Variants in WDR37 observed in about 807,000 individuals in gnomAD.
The protein encoded by WDR37 is WD repeat-containing protein 37.
In WDR37, 19 loss-of-function variants were observed where a neutral mutation model predicts 62.9. That is an observed-to-expected ratio of 0.30 (90% CI 0.21 to 0.44). The LOEUF is 0.44. Among genes scored for constraint, WDR37 ranks in the 20% least tolerant of loss-of-function variants. WDR37 has a pLI of 1.00. For missense variants in WDR37, 474 were observed against 657.6 expected (o/e 0.72, Z 3.05); for synonymous variants, 250 against 260.9 (o/e 0.96, Z 0.40).
chr10:1,127,709 C>G (rs1353208632), intron 13 of WDR37, among the ~76,000 whole-genome samples: 1 of 152,178 alleles, frequency 6.6e-6, no homozygotes, highest in Non-Finnish European at 1.5e-5. Context: ...GCAAGGGTCT[C>G]TGTGACGTGG....
Position 1,084,431 on chromosome 10 carries a change from C to T in WDR37, c.425C>T (p.Ser142Leu), listed in dbSNP as rs773619711. ...GTCTCCAGCTTTAAGACCACGACATCGAGAGCTGCCTGCCAGCTCGTGAAG... is the reference window on the plus strand; with the variant it reads ...GTCTCCAGCTTTAAGACCACGACATTGAGAGCTGCCTGCCAGCTCGTGAAG... ...KIVSSFKTTTSRAACQLVKEY... is the reference protein window; with the variant it reads ...KIVSSFKTTTLRAACQLVKEY... Residue 142 changes from serine to leucine, a missense_variant, in exon 6 of 14, where the codon TCG (serine) becomes TTG (leucine). Ser to Leu is a moderately radical substitution (Grantham distance 145, BLOSUM62 -2). Transcript: ENST00000263150. The T allele has an allele frequency of 3.7e-5, 60 of 1,614,032 alleles. No individual in the cohort carries two copies. The highest frequency in any genetic ancestry group is 4.5e-5 in the Non-Finnish European group (53 of 1,179,980).
intron 6 of WDR37, 127 bp downstream of exon 6, chr10:1,084,665 A>C: frequency 7.5e-7 from 1 of 1,337,722 alleles, no homozygotes; most frequent in Non-Finnish European, 1.0e-6. Flanking sequence ...AGTCAGTGGA[A>C]CCCCCCACAC....
At chr10:1,091,902 C>T (rs11250258) in intron 7 of WDR37, among the ~76,000 whole-genome samples, 59,468 of 151,908 alleles carry the variant, frequency 0.39, 12,019 homozygotes, top group African/African-American at 0.48. Context: ...AATGATAGGC[C>T]GGGCGCGGTG....
chr10:1,088,802 C>T (rs890414641), intron 7 of WDR37, among the ~76,000 whole-genome samples: 3 of 152,014 alleles, frequency 2.0e-5, no homozygotes, highest in Non-Finnish European at 4.4e-5. Context: ...ATTAGGTGTT[C>T]AACGCAGGGT....
chr10:1,110,195 A>G (rs757487848), intron 11 of WDR37, among the ~76,000 whole-genome samples: 1 of 152,176 alleles, frequency 6.6e-6, no homozygotes, highest in Non-Finnish European at 1.5e-5. Flanking sequence ...GCTGTTGGAC[A>G]TTGAGCTTCC....
At chr10:1,120,908 G>A (rs1240250266) in intron 11 of WDR37, among the ~76,000 whole-genome samples, 10 of 152,260 alleles carry the variant, frequency 6.6e-5, no homozygotes, top group Admixed American at 3.3e-4. Context: ...GCTTCGCGGC[G>A]TTTCCGCTGA....
chr10:1,080,892 C>T (rs893031236), intron 5 of WDR37, among the ~76,000 whole-genome samples: 4 of 148,924 alleles, frequency 2.7e-5, no homozygotes, highest in African/African-American at 7.5e-5. Flanking sequence ...GGCAACAGAG[C>T]GAGATTCCGA....
chr10:1,082,297 C>T (rs1388172581), intron 5 of WDR37, among the ~76,000 whole-genome samples: 5 of 152,148 alleles, frequency 3.3e-5, no homozygotes, highest in African/African-American at 7.2e-5. Flanking sequence ...GGTGGGATAG[C>T]GGGAACACAA....
At chr10:1,114,520 C>T (rs1589118657) in intron 11 of WDR37, among the ~76,000 whole-genome samples, 1 of 152,178 alleles carries the variant, frequency 6.6e-6, no homozygotes, top group East Asian at 1.9e-4. Context: ...ATGCACATTG[C>T]GTTTTTAGAG....
At chr10:1,069,287 G>T (rs1210424039) in intron 1 of WDR37, among the ~76,000 whole-genome samples, 1 of 148,860 alleles carries the variant, frequency 6.7e-6, no homozygotes, top group East Asian at 2.0e-4. Context: ...TTATCCAAAA[G>T]AAATGAGAAC....
rs1039109327 is a variant in WDR37, at chr10:1,131,013, A to G, written c.*1669A>G. 2 of 152,232 alleles carry G rather than the reference A, an allele frequency of 1.3e-5. No individual in the cohort carries two copies. Among genetic ancestry groups the G allele is most frequent in the Admixed American group, 6.5e-5 (1 of 15,288 alleles). The allele number at this position is 152,232 out of a possible 1,614,324, so 9.4% of individuals were successfully genotyped here. On this transcript the variant is annotated 3_prime_UTR_variant, in exon 14 of 14. Coordinates refer to ENST00000263150, the MANE Select transcript of WDR37 (RefSeq NM_014023.4). ...TTTCAGTCATTTTGATTTTACAAAT[A>G]AAAAATGTGTTGTGTTTTTGTCCGA...
At chr10:1,101,951 G>A (rs1234228035) in intron 9 of WDR37, among the ~76,000 whole-genome samples, 3 of 152,108 alleles carry the variant, frequency 2.0e-5, no homozygotes, top group African/African-American at 7.2e-5. Flanking sequence ...TTGTGTTCCC[G>A]TGCTGCTCTG....
In WDR37 at chr10:1,103,860, C is replaced by T. The variant is rs371933840; in HGVS notation, c.961+24C>T. On this transcript the variant is annotated intron_variant, in intron 10 of 13. Coordinates refer to ENST00000263150, the MANE Select transcript of WDR37 (RefSeq NM_014023.4). The surrounding 1 kb of genome is among the most constrained non-coding windows in gnomAD (Gnocchi z 6.3). ...AGGTGCCTGGGTTCTCTGAGTCCGC[C>T]GCCTCCTGGCTGTGCATGTTAGTTT... 20 of 1,609,624 alleles carry T rather than the reference C, an allele frequency of 1.2e-5. No individual in the cohort carries two copies. The highest frequency in any genetic ancestry group is 1.6e-4 in the Middle Eastern group (1 of 6,074).
chr10:1,072,970 T>C (rs1229128119), intron 2 of WDR37, among the ~76,000 whole-genome samples: 1 of 151,994 alleles, frequency 6.6e-6, no homozygotes, highest in East Asian at 1.9e-4. Context: ...CTCTGAAGAG[T>C]TTTTGGAATC....
chr10:1,066,417 G>A lies in WDR37; in HGVS notation c.-40-5699G>A, dbSNP rs187039752. On this transcript the variant is annotated intron_variant, in intron 1 of 13. Coordinates refer to ENST00000263150, the MANE Select transcript of WDR37 (RefSeq NM_014023.4). ...AGGCGTGAGCCACCTCGCCCAGCCC[G>A]ATACTAGGACTAATGCAGAAAAAAC... Among the ~76,000 whole-genome samples the A allele has an allele frequency of 4.2e-3, 637 of 152,270 alleles. 16 individuals are homozygous for A. The highest frequency in any genetic ancestry group is 0.037 in the Admixed American group (561 of 15,294).
chr10:1,099,663 T>C (rs1834723080), intron 9 of WDR37, among the ~76,000 whole-genome samples: 1 of 152,274 alleles, frequency 6.6e-6, no homozygotes, highest in Admixed American at 6.5e-5. Flanking sequence ...CATTTAGTGA[T>C]GAAACAAGTG....
chr10:1,101,144 C>T (rs1210588030), intron 9 of WDR37, among the ~76,000 whole-genome samples: 1 of 152,226 alleles, frequency 6.6e-6, no homozygotes, highest in African/African-American at 2.4e-5. Flanking sequence ...AGGCCGCCCT[C>T]CCTGCACTTC....
chr10:1,063,748 G>A (rs192889300), intron 1 of WDR37, among the ~76,000 whole-genome samples: 16 of 152,288 alleles, frequency 1.1e-4, no homozygotes, highest in Non-Finnish European at 7.4e-5. Context: ...AGGCAGCCCT[G>A]ATTCAGCCTT....
Position 1,077,986 on chromosome 10 carries a change from A to T in WDR37, c.218A>T (p.Tyr73Phe). Residue 73 changes from tyrosine (Y) to phenylalanine (F), a missense_variant, in exon 3 of 14, where the codon TAT (tyrosine) becomes TTT (phenylalanine). Transcript: ENST00000263150. The stretch of plus-strand genomic sequence containing the variant: ...ATAGAAAGAGAATTTGAAAACCTTT[A>T]TATCGAAAACTTAGAATGTGAGTAT... Reference protein sequence around the residue: ...GQIEREFENLYIENLELRREI... With the variant: ...GQIEREFENLFIENLELRREI... 6.2e-7 allele frequency: 1 copy of T among 1,610,094 alleles called. No homozygotes were observed. The highest frequency in any genetic ancestry group is 8.5e-7 in the Non-Finnish European group (1 of 1,177,794).
Sources: allele counts gnomAD v4.1 joint callset (sites outside exome capture counted in the v4.1 genomes callset), GRCh38; gene constraint gnomAD v4.1.1; non-coding constraint Gnocchi (gnomAD v3.1); transcripts MANE v1.5; gene names NCBI Gene and HGNC (gene_info 2026-07-23, HGNC 2026-07-21).